The following MST1 variants were observed in gnomAD, a reference collection of about 807,000 sequenced individuals.
The protein encoded by MST1 is macrophage stimulating 1.
In MST1, 76 loss-of-function variants were observed where a neutral mutation model predicts 100.1. That is an observed-to-expected ratio of 0.76 (90% CI 0.63 to 0.92). The LOEUF (loss-of-function observed/expected upper bound fraction) is 0.92, where lower values mean the gene tolerates loss of function less well. Among genes scored for constraint, MST1 ranks in the 40% least tolerant of loss-of-function variants. MST1 has a pLI of 0.00. For synonymous variants in MST1, 352 were observed against 385.4 expected (o/e 0.91, Z 1.01); for missense variants, 850 against 990.0 (o/e 0.86, Z 1.90).
rs748393437 is a variant in MST1 at position 49,687,358 on chromosome 3, T to G, written c.470+6A>C. The G allele has an allele frequency of 6.2e-7, 1 of 1,613,496 alleles. No individual in the cohort carries two copies. The highest frequency in any genetic ancestry group is 8.5e-7 in the Non-Finnish European group (1 of 1,179,852). ...GGCCGGGACGGAGGGAAGGTGTTTG[T>G]CTCACTTGTGATCATTTGGGAACTT... On this transcript the variant is annotated splice_donor_region_variant and intron_variant, in intron 4 of 17. Coordinates refer to ENST00000449682, the MANE Select transcript of MST1 (RefSeq NM_020998.4).
At position 49,687,078 on chromosome 3, in the gene MST1, A is replaced by T. The variant is rs1296084275; in HGVS notation, c.608-11T>A. Reference sequence around the variant, plus strand: ...ACCAGACACACGCGGCTGGAGACAAAGAGCCAGTGGGTTCGTGGATGGACG... The same window carrying T: ...ACCAGACACACGCGGCTGGAGACAATGAGCCAGTGGGTTCGTGGATGGACG... On this transcript the variant is annotated splice_polypyrimidine_tract_variant and intron_variant, in intron 5 of 17. Transcript: ENST00000449682. 2.5e-6 allele frequency: 4 copies of T among 1,612,576 alleles called. No homozygotes were observed. In the Admixed American group the frequency reaches 6.7e-5, roughly 27 times the overall value.
At chr3:49,684,931 C>T (rs2053574066) in intron 14 of MST1, 47 bp from the exon 15 acceptor site, 2 of 1,613,524 alleles carry the variant, frequency 1.2e-6, no homozygotes, top group East Asian at 2.2e-5. Flanking sequence ...CAGTCCATTG[C>T]CCCAAGGCTC....
chr3:49,687,031 C>T lies in MST1; in HGVS notation c.644G>A (p.Gly215Asp), dbSNP rs746552040. The change falls in exon 6 of 18, where the codon GGC (glycine) becomes GAC (aspartate). Residue 215 changes from glycine to aspartate, a missense_variant. Physicochemically the swap from Gly to Asp is moderately conservative, Grantham distance 94. This residue lies in a region of MST1 where 816 missense variants were observed against 924.6 expected (regional missense o/e 0.88). Transcript: ENST00000449682. ...CVWCNGEEYR[G>D]AVDRTESGRE... ...CCCTGACTCCGTGCGGTCTACCGCG[C>T]CGCGGTATTCCTCGCCATTGCACCA... 2.5e-6 allele frequency: 4 copies of T among 1,611,678 alleles called. No homozygotes were observed. The highest frequency in any genetic ancestry group is 2.2e-5 in the East Asian group (1 of 44,890).
rs141182115 is a variant in MST1, at chr3:49,684,581, C to G, written c.1845G>C (p.Lys615Asn). The G allele has an allele frequency of 4.3e-6, 7 of 1,613,800 alleles. No homozygotes were observed. Among genetic ancestry groups the G allele is most frequent in the Non-Finnish European group, 5.9e-6 (7 of 1,179,870 alleles). The change falls in exon 16 of 18, where the codon AAG (lysine) becomes AAC (asparagine). Residue 615 changes from lysine to asparagine, a missense_variant. Around this residue, in one of 2 missense-constraint regions of MST1, gnomAD observed 816 missense variants for 924.6 expected, o/e 0.88. Coordinates refer to ENST00000449682, the MANE Select transcript of MST1 (RefSeq NM_020998.4). Reference protein sequence around the residue: ...PEWYVVPPGTKCEIAGWGETK... With the variant: ...PEWYVVPPGTNCEIAGWGETK... ...TCTCACCCCAGCCTGCAATCTCACA[C>G]TTGGTCCCTGGAGGCACCACATACC...
chr3:49,686,562 G>T lies in MST1; in HGVS notation c.848-81C>A, dbSNP rs1158117365. The T allele has an allele frequency of 4.4e-6, 7 of 1,576,550 alleles. No homozygotes were observed. The East Asian group carries it at 1.7e-4, about 37-fold the overall frequency. On this transcript the variant is annotated intron_variant, in intron 7 of 17. Transcript: ENST00000449682. ...CTGGGACCAAACCCGCCTTTCCCAG[G>T]TGTACGGTACTCCACGGGGTATGCT...
At chr3:49,684,679 C>T (rs1306349032) in intron 15 of MST1, 23 bp from the exon 16 acceptor site, 8 of 1,613,206 alleles carry the variant, frequency 5.0e-6, no homozygotes, top group Non-Finnish European at 5.9e-6. Context: ...TGGGGGCACT[C>T]AGGGTCTGAG....
In MST1 at chr3:49,689,422, G is replaced by A. The variant is rs901185415; in HGVS notation, c.-731C>T. 1 of 152,372 alleles carries A rather than the reference G, an allele frequency of 6.6e-6. No individual in the cohort carries two copies. The highest frequency in any genetic ancestry group is 1.5e-5 in the Non-Finnish European group (1 of 68,132). The allele number at this position is 152,372 out of a possible 1,614,324, so 9.4% of individuals were successfully genotyped here. ...TGGTGAGGCCTTTCGGCGAAGCTGA[G>A]GCCTGGAACAACCCGGTGGGAAGCC... On this transcript the variant is annotated 5_prime_UTR_variant, in exon 1 of 18. Transcript: ENST00000449682.
intron 6 of MST1, 34 bp downstream of exon 6, chr3:49,686,913 C>T (rs1304723815): frequency 6.2e-7 from 1 of 1,611,606 alleles, no homozygotes; most frequent in East Asian, 2.2e-5. Flanking sequence ...TTCCCTAGCC[C>T]GGCCCCCAGG....
At position 49,686,815 on chromosome 3, in the gene MST1, A is replaced by T. The variant is rs777442019; in HGVS notation, c.729-13T>A. ...TTGGTCGAGGAACCTGGGGGCGGTAATGGGGCGTGAACAAGACCCTGGGAC... is the reference window on the plus strand; with the variant it reads ...TTGGTCGAGGAACCTGGGGGCGGTATTGGGGCGTGAACAAGACCCTGGGAC... On this transcript the variant is annotated splice_polypyrimidine_tract_variant and intron_variant, in intron 6 of 17. Transcript: ENST00000449682. 1.9e-6 allele frequency: 3 copies of T among 1,612,516 alleles called. No homozygotes were observed. Among genetic ancestry groups the T allele is most frequent in the African/African-American group, 1.3e-5 (1 of 74,928 alleles).
chr3:49,686,789 C>T lies in MST1; in HGVS notation c.742G>A (p.Gly248Ser), dbSNP rs2053796533. The change falls in exon 7 of 18, where the codon GGT (glycine) becomes AGT (serine). Residue 248 changes from glycine to serine, a missense_variant. Coordinates refer to ENST00000449682, the MANE Select transcript of MST1 (RefSeq NM_020998.4). The part of the protein sequence containing the change: ...PFEPGKFLDQ[G>S]LDDNYCRNPD... ...TTCCGGCAATAGTTGTCGTCCAGAC[C>T]TTGGTCGAGGAACCTGGGGGCGGTA... is the stretch of plus-strand genomic sequence containing the variant. 1.2e-6 allele frequency: 2 copies of T among 1,612,164 alleles called. No homozygotes were observed. Among genetic ancestry groups the T allele is most frequent in the African/African-American group, 1.3e-5 (1 of 74,914 alleles).
Position 49,687,838 on chromosome 3 carries a change from G to A in MST1, c.154C>T (p.Leu52=). The change falls in exon 2 of 18, where the codon CTA becomes TTA. Residue 52 remains leucine (L), a synonymous_variant. Transcript: ENST00000449682. ...CAAGGCCCGGGCACCACCGCATGTA[G>A]CAGGTGCTGTAGCTCTGTGCCCCGG... ...VLRGTELQHL[L]HAVVPGPWQE... is the part of the protein sequence containing the mutation. 1.2e-6 allele frequency: 2 copies of A among 1,613,614 alleles called. No individual in the cohort carries two copies. Among genetic ancestry groups the A allele is most frequent in the Non-Finnish European group, 1.7e-6 (2 of 1,179,858 alleles).
rs2054038000 is a variant in MST1 at position 49,689,068 on chromosome 3, T to G, written c.-377A>C. 6.2e-6 allele frequency: 1 copy of G among 161,596 alleles called. No homozygotes were observed. The highest frequency in any genetic ancestry group is 1.4e-5 in the Non-Finnish European group (1 of 73,866). The allele number at this position is 161,596 out of a possible 1,614,324, so 10.0% of individuals were successfully genotyped here. A position where few individuals can be genotyped will look rare whatever the true frequency, so the allele number is the denominator to read the frequency against. On this transcript the variant is annotated 5_prime_UTR_variant, in exon 1 of 18. Coordinates refer to ENST00000449682, the MANE Select transcript of MST1 (RefSeq NM_020998.4). ...GCCCCAGCTTCAACACTGCCTCCCC[T>G]CCACCCTTTTGCTGCTGCCTTATCA...
rs563194334 is a variant in MST1 at position 49,685,904 on chromosome 3, A to G, written c.1206T>C (p.Gly402=). Residue 402 remains glycine (G), a synonymous_variant, in exon 10 of 18, where the codon GGT becomes GGC. Coordinates refer to ENST00000449682, the MANE Select transcript of MST1 (RefSeq NM_020998.4). The stretch of plus-strand genomic sequence containing the variant: ...CAGCGGACCAGCGCTGGCACTGGAC[A>G]CCCTTGCGGGTCTTGCTGACCGTGC... ...YRGTVSKTRK[G]VQCQRWSAET... The G allele has an allele frequency of 1.9e-5, 31 of 1,608,858 alleles. No individual in the cohort carries two copies. In the African/African-American group the frequency reaches 3.1e-4, roughly 16 times the overall value.
rs775495728 is a variant in MST1 at position 49,686,409 on chromosome 3, C to T, written c.920G>A (p.Gly307Asp). ...CFRGKGEGYR[G>D]TANTTTAGVP... is the part of the protein sequence containing the mutation. ...GCCCGCAGTGGTGGTATTGGCTGTG[C>T]CCCGGTAGCCCTCACCCTTCCCGCG... Residue 307 changes from glycine (G) to aspartate (D), a missense_variant, in exon 8 of 18, where the codon GGC becomes GAC. Around this residue, in one of 2 missense-constraint regions of MST1, gnomAD observed 816 missense variants for 924.6 expected, o/e 0.88. Coordinates refer to ENST00000449682, the MANE Select transcript of MST1 (RefSeq NM_020998.4). 6.2e-6 allele frequency: 10 copies of T among 1,612,328 alleles called. No homozygotes were observed. Among genetic ancestry groups the T allele is most frequent in the East Asian group, 2.2e-5 (1 of 44,834 alleles).
rs767555694 is a variant in MST1 at position 49,685,030 on chromosome 3, C to G, written c.1604G>C (p.Arg535Pro). The change falls in exon 14 of 18, where the codon CGG (arginine) becomes CCG (proline). Residue 535 changes from arginine (R) to proline (P), a missense_variant. Arg to Pro is a moderately radical substitution (Grantham distance 103). Around this residue, in one of 2 missense-constraint regions of MST1, gnomAD observed 816 missense variants for 924.6 expected, o/e 0.88. Transcript: ENST00000449682. The stretch of plus-strand genomic sequence containing the variant: ...GGCTCACCAGGAGGAGAAGCACTGC[C>G]GGGCAGTCAGTATCCACTGCTCCTT... Reference protein sequence around the residue: ...LVKEQWILTARQCFSSCHMPL... With the variant: ...LVKEQWILTAPQCFSSCHMPL... 11 of 1,609,532 alleles carry G rather than the reference C, an allele frequency of 6.8e-6. No homozygotes were observed. The African/African-American group carries it at 1.3e-4, about 20-fold the overall frequency.
Position 49,687,032 on chromosome 3 carries a change from C to T in MST1, c.643G>A (p.Gly215Ser), listed in dbSNP as rs148805329. The change falls in exon 6 of 18, where the codon GGC becomes AGC. Residue 215 changes from glycine to serine, a missense_variant. Gly to Ser is a moderately conservative substitution (Grantham distance 56). Coordinates refer to ENST00000449682, the MANE Select transcript of MST1 (RefSeq NM_020998.4). ...CVWCNGEEYR[G>S]AVDRTESGRE... ...CCTGACTCCGTGCGGTCTACCGCGC[C>T]GCGGTATTCCTCGCCATTGCACCAG... 1.9e-6 allele frequency: 3 copies of T among 1,611,604 alleles called. No individual in the cohort carries two copies. The highest frequency in any genetic ancestry group is 2.5e-6 in the Non-Finnish European group (3 of 1,179,868).
rs2053639187 is a variant in MST1, at chr3:49,685,460, C to T, written c.1423+11G>A. 1 of 1,613,602 alleles carries T rather than the reference C, an allele frequency of 6.2e-7. No individual in the cohort carries two copies. Among genetic ancestry groups the T allele is most frequent in the South Asian group, 1.1e-5 (1 of 91,088 alleles). The stretch of plus-strand genomic sequence containing the variant: ...TAAAGGGCCTGACCCATAACTGGCC[C>T]AACTCCTAACCTGGGGGGTCCAGGA... On this transcript the variant is annotated intron_variant, in intron 12 of 17. Coordinates refer to ENST00000449682, the MANE Select transcript of MST1 (RefSeq NM_020998.4).
Position 49,684,098 on chromosome 3 carries a change from C to T in MST1, c.2108G>A (p.Arg703His), listed in dbSNP as rs778105210. Residue 703 changes from arginine (R) to histidine (H), a missense_variant, in exon 18 of 18, where the codon CGC becomes CAC. Arg to His is a conservative substitution (Grantham distance 29, BLOSUM62 0). Around this residue, in one of 2 missense-constraint regions of MST1, gnomAD observed 816 missense variants for 924.6 expected, o/e 0.88. Coordinates refer to ENST00000449682, the MANE Select transcript of MST1 (RefSeq NM_020998.4). ...IIPNRVCARS[R>H]WPAVFTRVSV... Reference sequence around the variant, plus strand: ...GACACGCGTGAAGACAGCTGGCCAGCGGGACCTTGCGCATACTCGGTTGGG... The same window carrying T: ...GACACGCGTGAAGACAGCTGGCCAGTGGGACCTTGCGCATACTCGGTTGGG... The T allele has an allele frequency of 1.9e-5, 30 of 1,613,550 alleles. No homozygotes were observed. The highest frequency in any genetic ancestry group is 1.6e-4 in the Middle Eastern group (1 of 6,078).
rs772597116 is a variant in MST1 at position 49,684,588 on chromosome 3, C to A, written c.1838G>T (p.Gly613Val). 1 of 1,613,654 alleles carries A rather than the reference C, an allele frequency of 6.2e-7. No individual in the cohort carries two copies. The highest frequency in any genetic ancestry group is 1.3e-5 in the African/African-American group (1 of 74,924). The change falls in exon 16 of 18, where the codon GGG becomes GTG. Residue 613 changes from glycine to valine, a missense_variant. Coordinates refer to ENST00000449682, the MANE Select transcript of MST1 (RefSeq NM_020998.4). ...LPPEWYVVPP[G>V]TKCEIAGWGE... ...CCAGCCTGCAATCTCACACTTGGTC[C>A]CTGGAGGCACCACATACCATTCAGG...
Sources: gnomAD v4.1 joint callset for allele counts on GRCh38, gnomAD v4.1.1 for gene constraint, gnomAD v4.1.1 regional missense constraint, MANE v1.5 for transcripts, NCBI Gene and HGNC (gene_info 2026-07-23, HGNC 2026-07-21) for gene names.